The following INA variants were observed in gnomAD, a reference collection of about 807,000 sequenced individuals.
The protein encoded by INA is alpha-internexin.
In INA, 35 loss-of-function variants were observed where a neutral mutation model predicts 40.1. The observed-to-expected ratio is 0.87, with a 90% CI of 0.67 to 1.16. INA has a LOEUF of 1.16. INA is among the 50% of genes most tolerant of loss of function. The pLI is 0.00. For synonymous variants in INA, 290 were observed against 316.9 expected (o/e 0.92, Z 0.90); for missense variants, 594 against 686.7 (o/e 0.87, Z 1.51).
chr10:103,288,237 A>C (rs2093091105), intron 2 of INA, 123 bp from the exon 3 acceptor site: 1 of 876,974 alleles, frequency 1.1e-6, no homozygotes, highest in Non-Finnish European at 1.8e-6. Flanking sequence ...TATTGGTTTC[A>C]ATCTCATGAA....
chr10:103,288,977 G>C lies in INA; in HGVS notation c.*308G>C, dbSNP rs985549853. The C allele has an allele frequency of 5.3e-6, 1 of 190,266 alleles. No homozygotes were observed. The highest frequency in any genetic ancestry group is 1.5e-4 in the South Asian group (1 of 6,560). 11.8% of individuals were successfully genotyped at this position (190,266 alleles called of 1,614,324 possible). On this transcript the variant is annotated 3_prime_UTR_variant, in exon 3 of 3. Transcript: ENST00000369849. ...GTACAAACTAAGGTGCTAAATCTGCGATCATCGTCATTTGCTGTGAACTGA... is the reference window on the plus strand; with the variant it reads ...GTACAAACTAAGGTGCTAAATCTGCCATCATCGTCATTTGCTGTGAACTGA...
At chr10:103,286,243 G>T (rs1335589741) in intron 1 of INA, among the ~76,000 whole-genome samples, 1 of 146,028 alleles carries the variant, frequency 6.8e-6, no homozygotes, top group African/African-American at 2.6e-5. Flanking sequence ...GCTGAGACAG[G>T]AAGATCGCTT....
chr10:103,279,951 A>C (rs2093069199), intron 1 of INA: 1 of 1,289,500 alleles, frequency 7.8e-7, no homozygotes, highest in African/African-American at 1.5e-5. Context: ...GAAGCCTCCA[A>C]GTACGAGCTA....
chr10:103,288,314 G>T, intron 2 of INA, 46 bp from the exon 3 acceptor site: 1 of 1,513,078 alleles, frequency 6.6e-7, no homozygotes, highest in Admixed American at 2.2e-5. Flanking sequence ...TTCTGGGGGG[G>T]AAAAGTTATT....
intron 1 of INA, among the ~76,000 whole-genome samples, chr10:103,284,618 G>A (rs899938414): frequency 6.6e-6 from 1 of 152,036 alleles, no homozygotes; most frequent in Non-Finnish European, 1.5e-5. Context: ...GCCAGGTGTG[G>A]TGGTGCACAC....
intron 1 of INA, chr10:103,280,312 C>A: frequency 3.0e-6 from 3 of 985,414 alleles, no homozygotes; most frequent in South Asian, 9.4e-5. Context: ...GTTCCCTACT[C>A]CTTGGGACCT....
rs373787135 is a variant in INA at position 103,277,316 on chromosome 10, G to T, written c.105G>T (p.Ala35=). ...LSARLSGAGG[A]GGFRSQSLSR... is the part of the protein sequence containing the mutation. Reference sequence around the variant, plus strand: ...CCCGCCTCTCTGGGGCCGGCGGCGCGGGCGGCTTCCGCTCGCAGTCGCTGT... The same window carrying T: ...CCCGCCTCTCTGGGGCCGGCGGCGCTGGCGGCTTCCGCTCGCAGTCGCTGT... The change falls in exon 1 of 3, where the codon GCG becomes GCT. Residue 35 remains alanine (A), a synonymous_variant. Transcript: ENST00000369849. This position sits in a 1 kb window ranked among gnomAD's most constrained non-coding sequence, Gnocchi z 5.6. 3 of 1,585,934 alleles carry T rather than the reference G, an allele frequency of 1.9e-6. No homozygotes were observed. Among genetic ancestry groups the T allele is most frequent in the Admixed American group, 3.5e-5 (2 of 57,902 alleles).
At position 103,277,200 on chromosome 10, in the gene INA, G is replaced by T. The variant is rs1017410186; in HGVS notation, c.-12G>T. ...GCGTTGAAGCCGCACGTCCGGCCCC[G>T]ATCCCGGCACCATGAGCTTCGGCTC... On this transcript the variant is annotated 5_prime_UTR_variant, in exon 1 of 3. Transcript: ENST00000369849. This position sits in a 1 kb window ranked among gnomAD's most constrained non-coding sequence, Gnocchi z 5.6. 2 of 1,569,300 alleles carry T rather than the reference G, an allele frequency of 1.3e-6. No homozygotes were observed. Among genetic ancestry groups the T allele is most frequent in the Non-Finnish European group, 1.7e-6 (2 of 1,162,270 alleles).
At position 103,288,899 on chromosome 10, in the gene INA, T is replaced by G. The variant is rs1446074101; in HGVS notation, c.*230T>G. The stretch of plus-strand genomic sequence containing the variant: ...AGATGAGTTATCTAAGAATACAGCT[T>G]TCTGACCTTCAGCTCACGCTTCACA... On this transcript the variant is annotated 3_prime_UTR_variant, in exon 3 of 3. Coordinates refer to ENST00000369849, the MANE Select transcript of INA (RefSeq NM_032727.4). The G allele has an allele frequency of 1.7e-5, 6 of 347,952 alleles. No individual in the cohort carries two copies. In the East Asian group the frequency reaches 3.1e-4, roughly 18 times the overall value. 21.6% of individuals were successfully genotyped at this position (347,952 alleles called of 1,614,324 possible). A position where few individuals can be genotyped will look rare whatever the true frequency, so the allele number is the denominator to read the frequency against.
Position 103,278,181 on chromosome 10 carries a change from A to G in INA, c.970A>G (p.Ile324Val). The change falls in exon 1 of 3, where the codon ATC becomes GTC. Residue 324 changes from isoleucine to valine, a missense_variant. Ile to Val is a conservative substitution (Grantham distance 29, BLOSUM62 3). Around this residue, in one of 2 missense-constraint regions of INA, gnomAD observed 379 missense variants for 496.1 expected, o/e 0.76. Transcript: ENST00000369849. The surrounding 1 kb of genome is among the most constrained non-coding windows in gnomAD (Gnocchi z 4.9). ...TCGGCGCCAGCTGCAGGCGCGCACCATCGAGATCGAGGGCCTGCGCGGGGC... is the reference window on the plus strand; with the variant it reads ...TCGGCGCCAGCTGCAGGCGCGCACCGTCGAGATCGAGGGCCTGCGCGGGGC... Reference protein sequence around the residue: ...EYRRQLQARTIEIEGLRGANE... With the variant: ...EYRRQLQARTVEIEGLRGANE... 1 of 1,610,282 alleles carries G rather than the reference A, an allele frequency of 6.2e-7. No individual in the cohort carries two copies. Among genetic ancestry groups the G allele is most frequent in the Non-Finnish European group, 8.5e-7 (1 of 1,178,810 alleles).
rs1293165709 is a variant in INA at position 103,289,915 on chromosome 10, T to C, written c.*1246T>C. 1 of 152,652 alleles carries C rather than the reference T, an allele frequency of 6.6e-6. No individual in the cohort carries two copies. Among genetic ancestry groups the C allele is most frequent in the Non-Finnish European group, 1.5e-5 (1 of 68,056 alleles). The allele number at this position is 152,652 out of a possible 1,614,324, so 9.5% of individuals were successfully genotyped here. ...AAAGACTTCCCTAACACTTACCCCA[T>C]GGCTGCACAGTTGGTGGGGTCCTGC... On this transcript the variant is annotated 3_prime_UTR_variant, in exon 3 of 3. Coordinates refer to ENST00000369849, the MANE Select transcript of INA (RefSeq NM_032727.4).
In INA at chr10:103,277,243, C is replaced by A; in HGVS notation, c.32C>A (p.Ser11Tyr). Reference protein sequence around the residue: MSFGSEHYLCSSSSYRKVFGD... With the variant: MSFGSEHYLCYSSSYRKVFGD... ...TTCGGCTCGGAGCACTACCTGTGCT[C>A]CTCCTCCTCCTACCGCAAGGTGTTC... The change falls in exon 1 of 3, where the codon TCC becomes TAC. Residue 11 changes from serine (S) to tyrosine (Y), a missense_variant. Physicochemically the swap from Ser to Tyr is moderately radical, Grantham distance 144. Around this residue, in one of 2 missense-constraint regions of INA, gnomAD observed 215 missense variants for 190.6 expected, o/e 1.13. Coordinates refer to ENST00000369849, the MANE Select transcript of INA (RefSeq NM_032727.4). The surrounding 1 kb of genome is among the most constrained non-coding windows in gnomAD (Gnocchi z 5.6). 6.3e-7 allele frequency: 1 copy of A among 1,585,084 alleles called. No individual in the cohort carries two copies. The highest frequency in any genetic ancestry group is 1.1e-5 in the South Asian group (1 of 88,848).
intron 1 of INA, chr10:103,280,269 G>T (rs770946753): frequency 9.1e-6 from 9 of 985,418 alleles, no homozygotes; most frequent in Non-Finnish European, 9.6e-6. Context: ...CTGCTGATGG[G>T]AGTGGAAGAG....
At position 103,277,145 on chromosome 10, in the gene INA, C is replaced by G. The variant is rs1017490165; in HGVS notation, c.-67C>G. ...GGCGCACCGCCCCGCCGCGCCCTGC[C>G]TGCCGCACCTCTCCTTTCTTCTGTA... On this transcript the variant is annotated 5_prime_UTR_variant, in exon 1 of 3. Transcript: ENST00000369849. This position sits in a 1 kb window ranked among gnomAD's most constrained non-coding sequence, Gnocchi z 5.6. The G allele has an allele frequency of 5.4e-6, 8 of 1,477,694 alleles. No homozygotes were observed. The East Asian group carries it at 1.9e-4, about 35-fold the overall frequency. The allele number at this position is 1,477,694 out of a possible 1,614,324, so 91.5% of individuals were successfully genotyped here.
chr10:103,287,014 T>A, intron 1 of INA, 21 bp from the exon 2 acceptor site: 1 of 1,612,166 alleles, frequency 6.2e-7, no homozygotes, highest in Non-Finnish European at 8.5e-7. Context: ...GCCTAACTAT[T>A]TTGGATATGT....
chr10:103,280,791 C>CAACT (rs1359567715), intron 1 of INA: 13 of 985,342 alleles, frequency 1.3e-5, no homozygotes, highest in Non-Finnish European at 1.6e-5. Flanking sequence ...AAGCCAAATG[C>CAACT]AACTCCCCTC....
rs948712787 is a variant in INA, at chr10:103,277,173, T to C, written c.-39T>C. ...CCGCACCTCTCCTTTCTTCTGTAGC[T>C]CGCGTTGAAGCCGCACGTCCGGCCC... On this transcript the variant is annotated 5_prime_UTR_variant, in exon 1 of 3. Coordinates refer to ENST00000369849, the MANE Select transcript of INA (RefSeq NM_032727.4). The surrounding 1 kb of genome is among the most constrained non-coding windows in gnomAD (Gnocchi z 5.6). 6.5e-7 allele frequency: 1 copy of C among 1,535,250 alleles called. No individual in the cohort carries two copies. Among genetic ancestry groups the C allele is most frequent in the Non-Finnish European group, 8.7e-7 (1 of 1,147,436 alleles).
rs893912991 is a variant in INA, at chr10:103,277,834, T to C, written c.623T>C (p.Leu208Pro). ...AQQRDVDGAT[L>P]ARLDLEKKVE... ...CAGCGCGACGTGGACGGCGCCACGC[T>C]GGCCCGCCTGGACCTGGAGAAGAAG... Residue 208 changes from leucine (L) to proline (P), a missense_variant, in exon 1 of 3, where the codon CTG becomes CCG. Leu to Pro is a moderately conservative substitution (Grantham distance 98). Around this residue, in one of 2 missense-constraint regions of INA, gnomAD observed 379 missense variants for 496.1 expected, o/e 0.76. Coordinates refer to ENST00000369849, the MANE Select transcript of INA (RefSeq NM_032727.4). This position sits in a 1 kb window ranked among gnomAD's most constrained non-coding sequence, Gnocchi z 5.6. The C allele has an allele frequency of 2.1e-5, 33 of 1,544,050 alleles. No individual in the cohort carries two copies. Among genetic ancestry groups the C allele is most frequent in the Non-Finnish European group, 2.7e-5 (31 of 1,146,544 alleles).
intron 1 of INA, among the ~76,000 whole-genome samples, chr10:103,282,686 C>T (rs1167026591): frequency 6.6e-6 from 1 of 151,810 alleles, no homozygotes; most frequent in Non-Finnish European, 1.5e-5. Flanking sequence ...TGTTTAGTGT[C>T]CTGATTGTGA....
Sources: allele counts gnomAD v4.1 joint callset (sites outside exome capture counted in the v4.1 genomes callset), GRCh38; gene constraint gnomAD v4.1.1; regional missense constraint gnomAD v4.1.1; non-coding constraint Gnocchi (gnomAD v3.1); transcripts MANE v1.5; gene names NCBI Gene and HGNC (gene_info 2026-07-23, HGNC 2026-07-21).